MEF2D: variants seen among roughly 807,000 people sequenced by gnomAD.
The protein encoded by MEF2D is myocyte-specific enhancer factor 2D.
MEF2D carries 10 observed loss-of-function variants against 59.3 expected under a neutral mutation model. The ratio of observed to expected loss-of-function variants is 0.17; its 90% CI spans 0.10 to 0.29. The LOEUF (loss-of-function observed/expected upper bound fraction) is 0.29. MEF2D is among the 10% of genes least tolerant of loss of function. The pLI is 1.00. For missense variants in MEF2D, 508 were observed against 699.4 expected (o/e 0.73, Z 3.09); for synonymous variants, 305 against 295.0 (o/e 1.03, Z -0.35).
At position 156,476,517 on chromosome 1, in the gene MEF2D, G is replaced by C. The variant is rs1344371328; in HGVS notation, c.856-3C>G. ...ACCAGATCTAAATGGTCCTCAGTCT[G>C]AGAGCAGAAATAAAACCAAGGGGAT... On this transcript the variant is annotated splice_polypyrimidine_tract_variant and splice_region_variant and intron_variant, in intron 7 of 11. Transcript: ENST00000348159. The C allele has an allele frequency of 6.2e-7, 1 of 1,611,358 alleles. No individual in the cohort carries two copies. The highest frequency in any genetic ancestry group is 8.5e-7 in the Non-Finnish European group (1 of 1,178,890).
chr1:156,467,567 A>G lies in MEF2D; in HGVS notation c.*78T>C. 5 of 1,205,548 alleles carry G rather than the reference A, an allele frequency of 4.1e-6. No homozygotes were observed. The highest frequency in any genetic ancestry group is 5.4e-6 in the Non-Finnish European group (5 of 923,594). The allele number at this position is 1,205,548 out of a possible 1,614,324, so 74.7% of individuals were successfully genotyped here. A position where few individuals can be genotyped will look rare whatever the true frequency, so the allele number is the denominator to read the frequency against. On this transcript the variant is annotated 3_prime_UTR_variant, in exon 12 of 12. Coordinates refer to ENST00000348159, the MANE Select transcript of MEF2D (RefSeq NM_005920.4). ...AAGGAAGTGGGGGTCGAGCGGGAGG[A>G]GCCCGGGGCAGGGAAGGGCGGGCGG...
intron 4 of MEF2D, 111 bp downstream of exon 4, chr1:156,480,723 C>T (rs752412039): frequency 1.9e-6 from 3 of 1,611,292 alleles, no homozygotes; most frequent in Non-Finnish European, 1.7e-6. Flanking sequence ...GGGGTCAGGG[C>T]AAACACCTCG....
chr1:156,491,884 T>G (rs1186400168), intron 1 of MEF2D, among the ~76,000 whole-genome samples: 1 of 152,232 alleles, frequency 6.6e-6, no homozygotes, highest in Admixed American at 6.5e-5. Context: ...CGTAGGCACT[T>G]GCGGACACCA....
rs1159843927 is a variant in MEF2D, at chr1:156,467,560, C to A, written c.*85G>T. The stretch of plus-strand genomic sequence containing the variant: ...CACAAGAAAGGAAGTGGGGGTCGAG[C>A]GGGAGGAGCCCGGGGCAGGGAAGGG... On this transcript the variant is annotated 3_prime_UTR_variant, in exon 12 of 12. Transcript: ENST00000348159. The A allele has an allele frequency of 1.8e-5, 20 of 1,137,954 alleles. No homozygotes were observed. Among genetic ancestry groups the A allele is most frequent in the Non-Finnish European group, 2.2e-5 (19 of 862,436 alleles). 70.5% of individuals were successfully genotyped at this position (1,137,954 alleles called of 1,614,324 possible).
Position 156,480,926 on chromosome 1 carries a change from C to CAGGCTCG in MEF2D, c.303_304insCGAGCCT (p.Asp102ArgfsTer3). ...CTCTGTTCCAGCGAGTCCTCCCCGT[C>CAGGCTCG]GGGCTCGGGGCTGTCGCAGCCGTTG... On this transcript the variant is annotated frameshift_variant, in exon 4 of 12. Coordinates refer to ENST00000348159, the MANE Select transcript of MEF2D (RefSeq NM_005920.4). LOFTEE classifies it high-confidence loss of function. 6.2e-7 allele frequency: 1 copy of CAGGCTCG among 1,612,138 alleles called. No individual in the cohort carries two copies. The highest frequency in any genetic ancestry group is 2.2e-5 in the East Asian group (1 of 44,854).
At chr1:156,475,319 G>T (rs369018153) in intron 8 of MEF2D, 82 bp from the exon 9 acceptor site, 5 of 1,470,484 alleles carry the variant, frequency 3.4e-6, no homozygotes, top group Non-Finnish European at 4.5e-6. Flanking sequence ...GCCAAGGTGG[G>T]GTTCCTGAAT....
At chr1:156,487,578 T>C (rs1439831758) in intron 1 of MEF2D, among the ~76,000 whole-genome samples, 1 of 152,232 alleles carries the variant, frequency 6.6e-6, no homozygotes, top group Non-Finnish European at 1.5e-5. Context: ...CAACCCTGAT[T>C]TTGGAAGAAG....
At position 156,468,277 on chromosome 1, in the gene MEF2D, C is replaced by T. The variant is rs1388818494; in HGVS notation, c.1270G>A (p.Val424Met). 15 of 1,566,914 alleles carry T rather than the reference C, an allele frequency of 9.6e-6. No individual in the cohort carries two copies. Among genetic ancestry groups the T allele is most frequent in the Admixed American group, 1.8e-5 (1 of 56,036 alleles). Residue 424 changes from valine to methionine, a missense_variant, in exon 11 of 12, where the codon GTG becomes ATG. Coordinates refer to ENST00000348159, the MANE Select transcript of MEF2D (RefSeq NM_005920.4). The surrounding 1 kb of genome is among the most constrained non-coding windows in gnomAD (Gnocchi z 4.3). ...GTGGTGACTGTGAGGGCAGCACCCA[C>T]GTGGGGCAGGGGGCTGCCCGGGCTG... ...NLIPGSPLPH[V>M]GAALTVTTHP...
rs1311005633 is a variant in MEF2D at position 156,481,291 on chromosome 1, G to GGGGATGGGGCCTCCAT, written c.259-321_259-320insATGGAGGCCCCATCCC. ...GGGCTTCCAGGGGATGGGGCCTCCAGGGGATGGGCTAAGGAGCTGGTGCCA... is the reference window on the plus strand; with the variant it reads ...GGGCTTCCAGGGGATGGGGCCTCCAGGGGATGGGGCCTCCATGGGATGGGCTAAGGAGCTGGTGCCA... On this transcript the variant is annotated intron_variant, in intron 3 of 11. Transcript: ENST00000348159. Among the ~76,000 whole-genome samples, 6 of 152,330 alleles carry GGGGATGGGGCCTCCAT rather than the reference G, an allele frequency of 3.9e-5. No homozygotes were observed. The East Asian group carries it at 1.2e-3, about 29-fold the overall frequency.
rs1047061249 is a variant in MEF2D at position 156,467,024 on chromosome 1, G to C, written c.*621C>G. On this transcript the variant is annotated 3_prime_UTR_variant, in exon 12 of 12. Transcript: ENST00000348159. ...GGGTGCAGCACACACAAGAATCAGCGCAGGTGTGGCACGTGTGTGTGCAGG... is the reference window on the plus strand; with the variant it reads ...GGGTGCAGCACACACAAGAATCAGCCCAGGTGTGGCACGTGTGTGTGCAGG... The C allele has an allele frequency of 1.3e-5, 2 of 152,626 alleles. No individual in the cohort carries two copies. Among genetic ancestry groups the C allele is most frequent in the Non-Finnish European group, 2.9e-5 (2 of 68,108 alleles). 9.5% of individuals were successfully genotyped at this position (152,626 alleles called of 1,614,324 possible). A position where few individuals can be genotyped will look rare whatever the true frequency, so the allele number is the denominator to read the frequency against.
chr1:156,497,472 TTGA>T (rs1348322360), intron 1 of MEF2D, among the ~76,000 whole-genome samples: 1 of 152,210 alleles, frequency 6.6e-6, no homozygotes, highest in African/African-American at 2.4e-5. Context: ...AACCTGACCC[TTGA>T]TGATGGGTTC....
intron 1 of MEF2D, among the ~76,000 whole-genome samples, chr1:156,490,184 A>G (rs1295778719): frequency 6.7e-6 from 1 of 150,022 alleles, no homozygotes; most frequent in Non-Finnish European, 1.5e-5. Flanking sequence ...AATTCTCACA[A>G]CCCCTCCTGC....
At position 156,463,893 on chromosome 1, in the gene MEF2D, A is replaced by C. The variant is rs1205378750; in HGVS notation, c.*3752T>G. 1.3e-5 allele frequency: 2 copies of C among 152,680 alleles called. No individual in the cohort carries two copies. The highest frequency in any genetic ancestry group is 4.8e-5 in the African/African-American group (2 of 41,458). 9.5% of individuals were successfully genotyped at this position (152,680 alleles called of 1,614,324 possible). On this transcript the variant is annotated 3_prime_UTR_variant, in exon 12 of 12. Transcript: ENST00000348159. The stretch of plus-strand genomic sequence containing the variant: ...TACAGCACGAAAAGAAATATTGAAA[A>C]CAAATCAACAGCCTCACACTTGGAC...
chr1:156,469,005 C>T lies in MEF2D; in HGVS notation c.1022G>A (p.Ser341Asn). ...TAYNTDYQLT[S>N]AELSSLPAFS... ...GGCTGGTAAGGAGGAGAGCTCTGCA[C>T]TGGTCAACTGGTAATCTGCATGGAG... The change falls in exon 10 of 12, where the codon AGT (serine) becomes AAT (asparagine). Residue 341 changes from serine to asparagine, a missense_variant. Ser to Asn is a conservative substitution (Grantham distance 46). Coordinates refer to ENST00000348159, the MANE Select transcript of MEF2D (RefSeq NM_005920.4). 6.3e-7 allele frequency: 1 copy of T among 1,597,494 alleles called. No individual in the cohort carries two copies. Among genetic ancestry groups the T allele is most frequent in the Non-Finnish European group, 8.6e-7 (1 of 1,166,386 alleles).
chr1:156,482,005 C>A (rs1463586683), intron 3 of MEF2D, among the ~76,000 whole-genome samples: 1 of 152,012 alleles, frequency 6.6e-6, no homozygotes, highest in Non-Finnish European at 1.5e-5. Context: ...ACCGGGCCCA[C>A]AAACAGACAG....
rs1348611758 is a variant in MEF2D at position 156,464,096 on chromosome 1, C to G, written c.*3549G>C. 1 of 152,544 alleles carries G rather than the reference C, an allele frequency of 6.6e-6. No individual in the cohort carries two copies. The highest frequency in any genetic ancestry group is 1.5e-5 in the Non-Finnish European group (1 of 68,040). 9.4% of individuals were successfully genotyped at this position (152,544 alleles called of 1,614,324 possible). ...TTCTCCATTCCAGCCTCCCTCCCCC[C>G]ATACAAATACCATTCCTTCTACCAA... On this transcript the variant is annotated 3_prime_UTR_variant, in exon 12 of 12. Transcript: ENST00000348159.
At chr1:156,473,344 A>T (rs867180509) in intron 9 of MEF2D, among the ~76,000 whole-genome samples, 2 of 151,822 alleles carry the variant, frequency 1.3e-5, no homozygotes, top group African/African-American at 4.8e-5. Flanking sequence ...TGTGGGGAGG[A>T]GGTGGGATTT....
At chr1:156,490,691 G>C (rs1328803951) in intron 1 of MEF2D, 1 of 152,224 alleles carries the variant, frequency 6.6e-6, no homozygotes, top group East Asian at 1.9e-4. Context: ...ACGGTATGGA[G>C]AGCAGGGCTG....
chr1:156,475,388 T>A, intron 8 of MEF2D, 151 bp from the exon 9 acceptor site: 1 of 870,228 alleles, frequency 1.1e-6, no homozygotes, highest in South Asian at 1.8e-5. Context: ...CAAACACACG[T>A]TGGTGCATTC....
Sources: gnomAD v4.1 joint callset for allele counts (sites outside exome capture counted in the v4.1 genomes callset) on GRCh38, gnomAD v4.1.1 for gene constraint, Gnocchi (gnomAD v3.1) non-coding constraint, MANE v1.5 for transcripts, NCBI Gene and HGNC (gene_info 2026-07-23, HGNC 2026-07-21) for gene names.